Variants in H2AZ2 observed in about 807,000 individuals in gnomAD.
H2AZ2 encodes the protein H2A.Z variant histone 2, also known as histone H2A.V.
In H2AZ2, 5 loss-of-function variants were observed where a neutral mutation model predicts 15.5. The ratio of observed to expected loss-of-function variants is 0.32; its 90% CI spans 0.17 to 0.68. The LOEUF (loss-of-function observed/expected upper bound fraction) is 0.68, where lower values mean the gene tolerates loss of function less well. H2AZ2 is among the 30% of genes least tolerant of loss of function. The pLI, the probability that H2AZ2 is intolerant of heterozygous loss-of-function variation, is 0.72. For missense variants in H2AZ2, 42 were observed against 162.5 expected (o/e 0.26, Z 4.03); for synonymous variants, 44 against 57.4 (o/e 0.77, Z 1.05).
At chr7:44,828,014 T>G (rs1298370243), downstream of H2AZ2, 1 of 152,202 alleles carries the variant, frequency 6.6e-6, no homozygotes, top group African/African-American at 2.4e-5. Context: ...TAGAGCTAAT[T>G]GTCAGGCACT....
intron 3 of H2AZ2, among the ~76,000 whole-genome samples, chr7:44,840,301 TG>T (rs1309622857): frequency 6.6e-6 from 1 of 152,194 alleles, no homozygotes; most frequent in Non-Finnish European, 1.5e-5. Flanking sequence ...CAGCCTAGTC[TG>T]GAACTCCAGG....
chr7:44,842,398 T>C (rs1286139954), intron 2 of H2AZ2, among the ~76,000 whole-genome samples: 1 of 152,238 alleles, frequency 6.6e-6, no homozygotes, highest in African/African-American at 2.4e-5. Flanking sequence ...TGTTTCCAAC[T>C]TCTGGACATT....
Position 44,832,407 on chromosome 7 carries a change from G to A in H2AZ2, c.*2094C>T, listed in dbSNP as rs965305908. On this transcript the variant is annotated 3_prime_UTR_variant, in exon 5 of 5. Coordinates refer to ENST00000308153, the MANE Select transcript of H2AZ2 (RefSeq NM_012412.5). ...AAACTGATCCCTGTGGGTTGGGGCA[G>A]GGGATAGGTGGGGATGCAGGTAAAC... Among the ~76,000 whole-genome samples, 3 of 152,184 alleles carry A rather than the reference G, an allele frequency of 2.0e-5. No homozygotes were observed. Among genetic ancestry groups the A allele is most frequent in the African/African-American group, 4.8e-5 (2 of 41,458 alleles).
At chr7:44,827,276 A>C (rs895079627), downstream of H2AZ2, 1 of 152,244 alleles carries the variant, frequency 6.6e-6, no homozygotes, top group Non-Finnish European at 1.5e-5. Context: ...GGCTATTGCC[A>C]AAGAACTAAT....
chr7:44,836,979 G>A (rs1793139433), intron 3 of H2AZ2, among the ~76,000 whole-genome samples: 1 of 151,794 alleles, frequency 6.6e-6, no homozygotes, highest in South Asian at 2.1e-4. Context: ...CTGGACGACA[G>A]AGCGAGACTC....
At chr7:44,830,674 G>A (rs1792986994), downstream of H2AZ2, among the ~76,000 whole-genome samples, 1 of 152,218 alleles carries the variant, frequency 6.6e-6, no homozygotes, top group South Asian at 2.1e-4. Context: ...TGTTATACTA[G>A]TTAGACTGGG....
At chr7:44,834,995 C>G (rs1793084052) in intron 4 of H2AZ2, 1 of 162,662 alleles carries the variant, frequency 6.1e-6, no homozygotes, top group Admixed American at 5.9e-5. Flanking sequence ...GTTGGCCAGG[C>G]TGGTCTTGAA....
intron 2 of H2AZ2, among the ~76,000 whole-genome samples, chr7:44,841,312 T>A (rs1353734404): frequency 6.6e-6 from 1 of 152,152 alleles, no homozygotes; most frequent in African/African-American, 2.4e-5. Context: ...TCTAGTTAAT[T>A]TCTTCACATA....
intron 3 of H2AZ2, among the ~76,000 whole-genome samples, chr7:44,839,373 C>T (rs1228042007): frequency 6.6e-6 from 1 of 151,894 alleles, no homozygotes; most frequent in African/African-American, 2.4e-5. Flanking sequence ...GGAGCCCTGT[C>T]TCCACAAAAA....
At chr7:44,843,420 A>C in intron 1 of H2AZ2, 66 bp from the exon 2 acceptor site, 2 of 1,114,008 alleles carry the variant, frequency 1.8e-6, no homozygotes, top group Non-Finnish European at 2.7e-6. Flanking sequence ...AATATTCTGG[A>C]AACAGAATTT....
intron 1 of H2AZ2, among the ~76,000 whole-genome samples, chr7:44,844,043 GAAAA>G: frequency 7.0e-6 from 1 of 141,878 alleles, no homozygotes. Flanking sequence ...CATGTTCCAA[GAAAA>G]AAAAAAAAAA....
chr7:44,830,739 T>C (rs1408824177), downstream of H2AZ2, among the ~76,000 whole-genome samples: 1 of 152,260 alleles, frequency 6.6e-6, no homozygotes, highest in Admixed American at 6.5e-5. Flanking sequence ...GGCTCATGCC[T>C]GTAATCCCAG....
At chr7:44,840,419 G>A (rs1478626539) in intron 3 of H2AZ2, among the ~76,000 whole-genome samples, 1 of 151,988 alleles carries the variant, frequency 6.6e-6, no homozygotes, top group East Asian at 1.9e-4. Flanking sequence ...GTACACCAAG[G>A]TTCTTTTACA....
rs1223800137 is a variant in H2AZ2, at chr7:44,848,069, G to C, written c.-98C>G. On this transcript the variant is annotated 5_prime_UTR_variant, in exon 1 of 5. Transcript: ENST00000308153. ...CTCGCAGCACCGACCGCCGCCGCCG[G>C]AGCCGGACAATACCCCGTGCCCGCC... The C allele has an allele frequency of 2.8e-6, 2 of 720,186 alleles. No homozygotes were observed. Among genetic ancestry groups the C allele is most frequent in the Non-Finnish European group, 3.8e-6 (2 of 525,568 alleles). The allele number at this position is 720,186 out of a possible 1,614,324, so 44.6% of individuals were successfully genotyped here.
intron 1 of H2AZ2, among the ~76,000 whole-genome samples, chr7:44,844,715 G>C (rs755921654): frequency 6.6e-6 from 1 of 152,134 alleles, no homozygotes; most frequent in Non-Finnish European, 1.5e-5. Context: ...AGAGGCAGAA[G>C]GCAGTGATGG....
chr7:44,837,664 G>C (rs1793161910), intron 3 of H2AZ2, among the ~76,000 whole-genome samples: 1 of 151,716 alleles, frequency 6.6e-6, no homozygotes, highest in African/African-American at 2.4e-5. Context: ...TCAATTTTTT[G>C]TATTTTTTTG....
At position 44,835,525 on chromosome 7, in the gene H2AZ2, A is replaced by C. The variant is rs747322658; in HGVS notation, c.325+4T>G. The C allele has an allele frequency of 2.1e-5, 34 of 1,613,370 alleles. No individual in the cohort carries two copies. The highest frequency in any genetic ancestry group is 1.2e-4 in the African/African-American group (9 of 74,896). ...AGAATCAAGGCTTAAGTAGTAATAC[A>C]TACCACCCCCAGCTATGGTAGCCTT... On this transcript the variant is annotated splice_donor_region_variant and intron_variant, in intron 4 of 4. Coordinates refer to ENST00000308153, the MANE Select transcript of H2AZ2 (RefSeq NM_012412.5).
intron 3 of H2AZ2, 123 bp downstream of exon 3, chr7:44,840,776 A>T: frequency 1.6e-6 from 1 of 644,458 alleles, no homozygotes; most frequent in Non-Finnish European, 2.6e-6. Flanking sequence ...GTCTCCAAAC[A>T]AACAAACAAA....
chr7:44,838,512 G>A lies in H2AZ2; in HGVS notation c.195+2387C>T, dbSNP rs185782921. 7.6e-4 allele frequency among the ~76,000 whole-genome samples: 115 copies of A among 152,114 alleles called. 1 individual carries two copies. The highest frequency in any genetic ancestry group is 2.7e-3 in the African/African-American group (114 of 41,508). On this transcript the variant is annotated intron_variant, in intron 3 of 4. Coordinates refer to ENST00000308153, the MANE Select transcript of H2AZ2 (RefSeq NM_012412.5). ...CAAGAAAATAACAAAAATTAGCCAGGTGTGGTGATGCACACCGGTAGCCCC... is the reference window on the plus strand; with the variant it reads ...CAAGAAAATAACAAAAATTAGCCAGATGTGGTGATGCACACCGGTAGCCCC...
Sources: gnomAD v4.1 joint callset for allele counts (sites outside exome capture counted in the v4.1 genomes callset) on GRCh38, gnomAD v4.1.1 for gene constraint, MANE v1.5 for transcripts, NCBI Gene and HGNC (gene_info 2026-07-23, HGNC 2026-07-21) for gene names.